PHACTR2: variants seen among roughly 807,000 people sequenced by gnomAD.
PHACTR2 encodes the protein chromosome 6 open reading frame 56.
A neutral mutation model predicts 76.0 loss-of-function variants in PHACTR2; 30 were observed. The ratio of observed to expected loss-of-function variants is 0.39; its 90% confidence interval spans 0.30 to 0.54. The LOEUF (loss-of-function observed/expected upper bound fraction) is 0.54, where lower values mean the gene tolerates loss of function less well. PHACTR2 is among the 20% of genes least tolerant of loss of function. The pLI is 0.61. For synonymous variants in PHACTR2, 292 were observed against 292.5 expected, an observed-to-expected ratio of 1.00 and a Z score of 0.02; for missense variants, 696 against 781.1, an observed-to-expected ratio of 0.89 and a Z score of 1.30.
At chr6:143,555,112 G>C (rs1775153900) in intron 1 of PHACTR2, 3 of 152,076 alleles carry the variant, frequency 2.0e-5, no homozygotes, top group Admixed American at 2.0e-4. Flanking sequence ...GCTTTGAAAT[G>C]CCCTTCAATA....
At chr6:143,792,532 A>G (rs139467187) in intron 11 of PHACTR2, among the ~76,000 whole-genome samples, 2 of 152,220 alleles carry the variant, frequency 1.3e-5, no homozygotes, top group East Asian at 3.9e-4. Flanking sequence ...TGAAAACAGC[A>G]GCTATTTTAT....
At chr6:143,594,780 C>T (rs1433031587) in intron 1 of PHACTR2, among the ~76,000 whole-genome samples, 2 of 152,228 alleles carry the variant, frequency 1.3e-5, no homozygotes, top group African/African-American at 4.8e-5. Context: ...GAACCAACAG[C>T]CTGAGCTACA....
chr6:143,567,809 G>A (rs1044964574), intron 1 of PHACTR2, among the ~76,000 whole-genome samples: 1 of 152,334 alleles, frequency 6.6e-6, no homozygotes, highest in South Asian at 2.1e-4. Flanking sequence ...CTTTTGACCT[G>A]TCTGTGTAAT....
chr6:143,658,781 T>G lies in PHACTR2; in HGVS notation c.13+50459T>G, dbSNP rs1429574702. Among the ~76,000 whole-genome samples the G allele has an allele frequency of 1.3e-5, 2 of 152,108 alleles. No individual in the cohort carries two copies. Among genetic ancestry groups the G allele is most frequent in the Non-Finnish European group, 2.9e-5 (2 of 68,010 alleles). ...TGACTCTGCCTGTAATCTCAGCACT[T>G]CGGGAGGCCAAGGTGGCAGGATCAC... On this transcript the variant is annotated intron_variant, in intron 1 of 11. Coordinates refer to the PHACTR2 transcript ENST00000305766. This position sits in a 1 kb window ranked among gnomAD's most constrained non-coding sequence, Gnocchi z 4.1.
chr6:143,629,158 G>A (rs577076229), intron 1 of PHACTR2, among the ~76,000 whole-genome samples: 4 of 151,760 alleles, frequency 2.6e-5, no homozygotes, highest in Non-Finnish European at 4.4e-5. Context: ...ATAAGATTCT[G>A]TAACTCCAAA....
chr6:143,711,941 A>G lies in PHACTR2; in HGVS notation c.47-75A>G, dbSNP rs1458593949. ...TGGACGTGCTTACCGTTAACAGCCC[A>G]GGGACCAATTGATGATGTGGTTTTA... On this transcript the variant is annotated intron_variant, in intron 1 of 12. Transcript: ENST00000440869. The G allele has an allele frequency of 4.7e-6, 6 of 1,282,398 alleles. No homozygotes were observed. In the African/African-American group the frequency reaches 5.8e-5, roughly 12 times the overall value. 79.4% of individuals were successfully genotyped at this position (1,282,398 alleles called of 1,614,324 possible).
chr6:143,758,169 A>G (rs990644863), intron 4 of PHACTR2, among the ~76,000 whole-genome samples: 4 of 152,200 alleles, frequency 2.6e-5, no homozygotes, highest in African/African-American at 9.6e-5. Flanking sequence ...CTCCTTCCCA[A>G]ACCCAGAAGC....
At position 143,828,641 on chromosome 6, in the gene PHACTR2, C is replaced by T. The variant is rs1776595150; in HGVS notation, c.*4952C>T. 1.3e-5 allele frequency: 2 copies of T among 152,134 alleles called. No homozygotes were observed. The highest frequency in any genetic ancestry group is 2.1e-4 in the South Asian group (1 of 4,834). 9.4% of individuals were successfully genotyped at this position (152,134 alleles called of 1,614,324 possible). On this transcript the variant is annotated 3_prime_UTR_variant, in exon 13 of 13. Transcript: ENST00000440869. The surrounding 1 kb of genome is among the most constrained non-coding windows in gnomAD (Gnocchi z 4.7). ...TTTAGCCATGCTAGGATTTACTGCA[C>T]ACACAAAAAATGTCATTTAGCTTGT...
At chr6:143,673,861 C>A (rs1777197724), upstream of PHACTR2, among the ~76,000 whole-genome samples, 1 of 151,816 alleles carries the variant, frequency 6.6e-6, no homozygotes, top group African/African-American at 2.4e-5. Context: ...TTTGTTAATC[C>A]TTTTAGCTTG....
At chr6:143,746,949 G>C (rs927609807) in intron 2 of PHACTR2, among the ~76,000 whole-genome samples, 6 of 152,118 alleles carry the variant, frequency 3.9e-5, no homozygotes, top group Admixed American at 1.3e-4. Flanking sequence ...GGGTCAGTGA[G>C]GAATCTAAAG....
At chr6:143,649,759 A>T (rs565965613) in intron 1 of PHACTR2, among the ~76,000 whole-genome samples, 1 of 152,326 alleles carries the variant, frequency 6.6e-6, no homozygotes, top group Non-Finnish European at 1.5e-5. Context: ...GAAAAGCTGG[A>T]AGCATTCACC....
In PHACTR2 at chr6:143,765,401, A is replaced by C; in HGVS notation, c.835A>C (p.Arg279=). The change falls in exon 6 of 13, where the codon AGA becomes CGA. Residue 279 remains arginine, a synonymous_variant. Transcript: ENST00000440869. The surrounding 1 kb of genome is among the most constrained non-coding windows in gnomAD (Gnocchi z 4.1). ...AGTVGTTKGK[R]KTDKQPITSH... ...GACAGTGGGGACCACCAAGGGCAAG[A>C]GAAAAACTGACAAGCAGCCAATAAC... 6.2e-7 allele frequency: 1 copy of C among 1,614,230 alleles called. No individual in the cohort carries two copies. The highest frequency in any genetic ancestry group is 8.5e-7 in the Non-Finnish European group (1 of 1,180,040).
chr6:143,582,301 C>T (rs1393621846), intron 1 of PHACTR2, among the ~76,000 whole-genome samples: 1 of 152,002 alleles, frequency 6.6e-6, no homozygotes, highest in Non-Finnish European at 1.5e-5. Context: ...TTACAAAATA[C>T]CCTAGGAAAC....
rs6915784 is a variant in PHACTR2 at position 143,663,131 on chromosome 6, A to C, written c.14-48885A>C. ...CCCCCACTAATGAGCACCTAGGTTGATTCCATGTCTCTGCTATTGTGAATA... is the reference window on the plus strand; with the variant it reads ...CCCCCACTAATGAGCACCTAGGTTGCTTCCATGTCTCTGCTATTGTGAATA... On this transcript the variant is annotated intron_variant, in intron 1 of 11. Coordinates refer to the PHACTR2 transcript ENST00000305766. This position sits in a 1 kb window ranked among gnomAD's most constrained non-coding sequence, Gnocchi z 4.1. Among the ~76,000 whole-genome samples, 29,603 of 152,062 alleles carry C rather than the reference A, an allele frequency of 0.19. 2,985 individuals carry two copies. Among genetic ancestry groups the C allele is most frequent in the East Asian group, 0.35 (1,813 of 5,182 alleles).
chr6:143,696,359 C>T lies in PHACTR2; in HGVS notation c.47-15657C>T, dbSNP rs1044161638. 1.1e-4 allele frequency among the ~76,000 whole-genome samples: 16 copies of T among 152,100 alleles called. No individual in the cohort carries two copies. Among genetic ancestry groups the T allele is most frequent in the African/African-American group, 3.9e-4 (16 of 41,398 alleles). ...TGTTTTCCTGGAGACCTCTAGAAGA[C>T]CAGGAAAATATTTTTCCAAGAAATT... On this transcript the variant is annotated intron_variant, in intron 1 of 12. Coordinates refer to ENST00000440869, the MANE Select transcript of PHACTR2 (RefSeq NM_001100164.2). The surrounding 1 kb of genome is among the most constrained non-coding windows in gnomAD (Gnocchi z 4.1).
intron 1 of PHACTR2, among the ~76,000 whole-genome samples, chr6:143,579,943 C>T (rs1416221328): frequency 6.6e-6 from 1 of 152,156 alleles, no homozygotes; most frequent in African/African-American, 2.4e-5. Flanking sequence ...AGCTGACTCA[C>T]GTAGTTGTTG....
Position 143,765,141 on chromosome 6 carries a change from A to G in PHACTR2, c.695-120A>G. On this transcript the variant is annotated intron_variant, in intron 5 of 12. Coordinates refer to ENST00000440869, the MANE Select transcript of PHACTR2 (RefSeq NM_001100164.2). This position sits in a 1 kb window ranked among gnomAD's most constrained non-coding sequence, Gnocchi z 4.1. ...ATGATTAGCCTATTTTCTCTTATAC[A>G]TTTATTCAACAAACTTTAAAGGGAA... is the stretch of plus-strand genomic sequence containing the variant. The G allele has an allele frequency of 1.3e-6, 1 of 778,874 alleles. No individual in the cohort carries two copies. Among genetic ancestry groups the G allele is most frequent in the Non-Finnish European group, 2.1e-6 (1 of 484,412 alleles). The allele number at this position is 778,874 out of a possible 1,614,324, so 48.2% of individuals were successfully genotyped here. A position where few individuals can be genotyped will look rare whatever the true frequency, so the allele number is the denominator to read the frequency against.
chr6:143,577,939 A>T (rs1235812561), intron 1 of PHACTR2, among the ~76,000 whole-genome samples: 1 of 152,246 alleles, frequency 6.6e-6, no homozygotes, highest in Non-Finnish European at 1.5e-5. Context: ...ATAATGTTAT[A>T]GTAGCATGTA....
In PHACTR2 at chr6:143,616,868, A is replaced by C. The variant is rs1287416947; in HGVS notation, c.13+8546A>C. Reference sequence around the variant, plus strand: ...ATCAGCCACGTGAGAGCCAGGGTAAAAATGTGTCAAGCTGAGTGGCCGGCA... The same window carrying C: ...ATCAGCCACGTGAGAGCCAGGGTAACAATGTGTCAAGCTGAGTGGCCGGCA... On this transcript the variant is annotated intron_variant, in intron 1 of 11. Transcript: ENST00000305766. This position sits in a 1 kb window ranked among gnomAD's most constrained non-coding sequence, Gnocchi z 4.9. Among the ~76,000 whole-genome samples the C allele has an allele frequency of 6.6e-6, 1 of 152,070 alleles. No homozygotes were observed. Among genetic ancestry groups the C allele is most frequent in the Non-Finnish European group, 1.5e-5 (1 of 68,016 alleles).
Sources: gnomAD v4.1 joint callset for allele counts (sites outside exome capture counted in the v4.1 genomes callset) on GRCh38, gnomAD v4.1.1 for gene constraint, Gnocchi (gnomAD v3.1) non-coding constraint, MANE v1.5 for transcripts, NCBI Gene and HGNC (gene_info 2026-07-23, HGNC 2026-07-21) for gene names.